The following CAMK1D variants were observed in gnomAD, a reference collection of about 807,000 sequenced individuals.
CAMK1D encodes the protein calcium/calmodulin-dependent protein kinase type 1D.
CAMK1D carries 9 observed loss-of-function variants against 47.7 expected under a neutral mutation model. The ratio of observed to expected loss-of-function variants is 0.19; its 90% CI spans 0.11 to 0.33. CAMK1D has a LOEUF of 0.33. Among genes scored for constraint, CAMK1D ranks in the 10% least tolerant of loss-of-function variants. The pLI, the probability that CAMK1D is intolerant of heterozygous loss-of-function variation, is 1.00. For synonymous variants in CAMK1D, 184 were observed against 184.9 expected (o/e 0.99, Z 0.04); for missense variants, 291 against 488.7 (o/e 0.60, Z 3.81).
rs79524980 is a variant in CAMK1D, at chr10:12,469,495, C to T, written c.93-83730C>T. ...GGGACATCTGCATCGTATTCTCTTT[C>T]TAGGTTTGCCGTGCTCTGCTACAGT... On this transcript the variant is annotated intron_variant, in intron 1 of 10. Coordinates refer to ENST00000619168, the MANE Select transcript of CAMK1D (RefSeq NM_153498.4). Among the ~76,000 whole-genome samples, 134 of 152,246 alleles carry T rather than the reference C, an allele frequency of 8.8e-4. 1 individual carries two copies. Among genetic ancestry groups the T allele is most frequent in the Non-Finnish European group, 1.7e-3 (119 of 68,018 alleles).
At chr10:12,506,498 T>G (rs2132153426) in intron 1 of CAMK1D, among the ~76,000 whole-genome samples, 1 of 152,036 alleles carries the variant, frequency 6.6e-6, no homozygotes, top group African/African-American at 2.4e-5. Context: ...AAAGGGAAGA[T>G]CTGGGCTCTC....
At chr10:12,444,744 T>G (rs1270500350) in intron 1 of CAMK1D, among the ~76,000 whole-genome samples, 2 of 152,096 alleles carry the variant, frequency 1.3e-5, no homozygotes, top group African/African-American at 4.8e-5. Context: ...GTTGAAAGAG[T>G]TAAGTTATTA....
At chr10:12,651,097 C>T (rs1475239872) in intron 2 of CAMK1D, among the ~76,000 whole-genome samples, 1 of 152,188 alleles carries the variant, frequency 6.6e-6, no homozygotes, top group Admixed American at 6.5e-5. Context: ...CCTCCTTCCT[C>T]CCCGTGTTTC....
intron 1 of CAMK1D, among the ~76,000 whole-genome samples, chr10:12,358,838 G>T (rs536478307): frequency 1.7e-4 from 26 of 152,276 alleles, no homozygotes; most frequent in African/African-American, 6.0e-4. Flanking sequence ...TCAAGCTGTA[G>T]TTACCTCCAG....
chr10:12,623,456 C>T (rs185322503), intron 2 of CAMK1D, among the ~76,000 whole-genome samples: 19 of 14,278 alleles, frequency 1.3e-3, no homozygotes, highest in Non-Finnish European at 3.5e-3. Flanking sequence ...TTCCTTCCTC[C>T]CTCCCTCTCT....
At chr10:12,719,596 T>C (rs985747106) in intron 3 of CAMK1D, among the ~76,000 whole-genome samples, 4 of 152,080 alleles carry the variant, frequency 2.6e-5, no homozygotes, top group Non-Finnish European at 5.9e-5. Context: ...GAATCCTGTT[T>C]CACTTTTTAG....
intron 3 of CAMK1D, among the ~76,000 whole-genome samples, chr10:12,743,396 G>A (rs1381674356): frequency 1.3e-5 from 2 of 149,986 alleles, no homozygotes; most frequent in African/African-American, 5.0e-5. Flanking sequence ...AGAAAGACAA[G>A]GGAAAACTAG....
intron 2 of CAMK1D, among the ~76,000 whole-genome samples, chr10:12,629,736 C>T (rs1839322430): frequency 6.6e-6 from 1 of 152,222 alleles, no homozygotes; most frequent in African/African-American, 2.4e-5. Flanking sequence ...TTATAACATT[C>T]ATTTCTCTGG....
At chr10:12,476,270 C>A in intron 1 of CAMK1D, among the ~76,000 whole-genome samples, 1 of 151,204 alleles carries the variant, frequency 6.6e-6, no homozygotes, top group East Asian at 1.9e-4. Context: ...CTAGCCTGGG[C>A]AACAGAACGA....
At position 12,666,808 on chromosome 10, in the gene CAMK1D, G is replaced by A; in HGVS notation, c.297G>A (p.Gln99=). The stretch of plus-strand genomic sequence containing the variant: ...CAAATCACCTGTACTTGGTCATGCA[G>A]CTGTAAGTACCTTGTTTGATTGATG... ...ESPNHLYLVM[Q]LVSGGELFDR... The change falls in exon 3 of 11, where the codon CAG becomes CAA. Residue 99 remains glutamine (Q), a splice_region_variant and synonymous_variant. Transcript: ENST00000619168. The A allele has an allele frequency of 6.2e-7, 1 of 1,611,322 alleles. No individual in the cohort carries two copies. Among genetic ancestry groups the A allele is most frequent in the Non-Finnish European group, 8.5e-7 (1 of 1,177,536 alleles).
chr10:12,758,320 A>C (rs1219468329), intron 3 of CAMK1D, among the ~76,000 whole-genome samples: 1 of 152,028 alleles, frequency 6.6e-6, no homozygotes, highest in Non-Finnish European at 1.5e-5. Flanking sequence ...GAATTTTGAA[A>C]AGTACAAAGA....
At chr10:12,615,814 GTA>G (rs1838781226) in intron 2 of CAMK1D, among the ~76,000 whole-genome samples, 1 of 151,442 alleles carries the variant, frequency 6.6e-6, no homozygotes, top group Admixed American at 6.6e-5. Context: ...GTGTGCGTGT[GTA>G]TAGGTATATG....
chr10:12,407,145 C>T (rs1839463658), intron 1 of CAMK1D, among the ~76,000 whole-genome samples: 1 of 152,238 alleles, frequency 6.6e-6, no homozygotes, highest in African/African-American at 2.4e-5. Context: ...CAGCCACCCT[C>T]CAGCCTCTCT....
At chr10:12,550,594 C>T (rs1476143180) in intron 1 of CAMK1D, among the ~76,000 whole-genome samples, 2 of 152,178 alleles carry the variant, frequency 1.3e-5, no homozygotes, top group East Asian at 3.8e-4. Flanking sequence ...CTCCATGTAT[C>T]CCTCTGTGAT....
chr10:12,603,287 C>G (rs555074995), intron 2 of CAMK1D, among the ~76,000 whole-genome samples: 1 of 152,164 alleles, frequency 6.6e-6, no homozygotes, highest in Non-Finnish European at 1.5e-5. Context: ...TCCTCCCCGC[C>G]CAGACTGGCT....
chr10:12,650,492 A>G (rs1311181078), intron 2 of CAMK1D, among the ~76,000 whole-genome samples: 1 of 152,114 alleles, frequency 6.6e-6, no homozygotes, highest in Non-Finnish European at 1.5e-5. Context: ...GCCTAGCCTC[A>G]TGCCTGGCAC....
At chr10:12,442,160 G>A (rs1227138061) in intron 1 of CAMK1D, among the ~76,000 whole-genome samples, 1 of 152,158 alleles carries the variant, frequency 6.6e-6, no homozygotes, top group Non-Finnish European at 1.5e-5. Context: ...GACCTATGAA[G>A]GTAGTCTTTC....
chr10:12,500,161 G>A (rs1834656688), intron 1 of CAMK1D, among the ~76,000 whole-genome samples: 1 of 152,198 alleles, frequency 6.6e-6, no homozygotes, highest in African/African-American at 2.4e-5. Context: ...AGCTACTTGG[G>A]AGGCTGAGGC....
chr10:12,359,044 G>A (rs1236972165), intron 1 of CAMK1D, among the ~76,000 whole-genome samples: 1 of 152,170 alleles, frequency 6.6e-6, no homozygotes, highest in Non-Finnish European at 1.5e-5. Context: ...ACAATCCACA[G>A]TTGTTCTTCC....
Sources: allele counts gnomAD v4.1 joint callset (sites outside exome capture counted in the v4.1 genomes callset), GRCh38; gene constraint gnomAD v4.1.1; transcripts MANE v1.5; gene names NCBI Gene and HGNC (gene_info 2026-07-23, HGNC 2026-07-21).